Variants in CBFA2T3 observed in about 807,000 individuals in gnomAD.
CBFA2T3 encodes the protein CBFA2/RUNX1 partner transcriptional co-repressor 3, also known as transcriptional corepressor CBFA2T3.
A neutral mutation model predicts 58.6 loss-of-function variants in CBFA2T3; 31 were observed. The ratio of observed to expected loss-of-function variants is 0.53; its 90% CI spans 0.40 to 0.71. The LOEUF is 0.71. Among genes scored for constraint, CBFA2T3 ranks in the 30% least tolerant of loss-of-function variants. The pLI is 0.00. For synonymous variants in CBFA2T3, 531 were observed against 421.9 expected, an observed-to-expected ratio of 1.26 and a Z score of -3.17; for missense variants, 1,076 against 963.1, an observed-to-expected ratio of 1.12 and a Z score of -1.55.
intron 1 of CBFA2T3, among the ~76,000 whole-genome samples, chr16:88,970,547 G>A (rs770785659): frequency 5.3e-5 from 8 of 152,214 alleles, no homozygotes; most frequent in Non-Finnish European, 1.2e-4. Context: ...GGTCAGCGAT[G>A]CCCTTGAAGT....
chr16:88,899,907 T>G (rs1488241306), intron 2 of CBFA2T3, among the ~76,000 whole-genome samples: 1 of 151,886 alleles, frequency 6.6e-6, no homozygotes, highest in East Asian at 1.9e-4. Flanking sequence ...GGGCTCGGTG[T>G]GGTCGCAAGC....
At chr16:88,965,415 C>T (rs1018225221) in intron 1 of CBFA2T3, among the ~76,000 whole-genome samples, 2 of 152,340 alleles carry the variant, frequency 1.3e-5, no homozygotes, top group African/African-American at 4.8e-5. Context: ...TTAGAGGCTG[C>T]AAATTGGCCC....
At chr16:88,889,370 G>A (rs1319863460) in intron 5 of CBFA2T3, among the ~76,000 whole-genome samples, 2 of 134,720 alleles carry the variant, frequency 1.5e-5, no homozygotes, top group African/African-American at 5.7e-5. Flanking sequence ...GGGCAGCGGA[G>A]GGAGGGAGGG....
chr16:88,965,845 T>C (rs140240308), intron 1 of CBFA2T3, among the ~76,000 whole-genome samples: 3 of 152,226 alleles, frequency 2.0e-5, no homozygotes, highest in African/African-American at 7.2e-5. Flanking sequence ...AAAAAAGTTT[T>C]AGGGAGCTCG....
intron 1 of CBFA2T3, among the ~76,000 whole-genome samples, chr16:88,967,577 G>T (rs1042127129): frequency 1.3e-5 from 2 of 152,148 alleles, no homozygotes; most frequent in Non-Finnish European, 1.5e-5. Flanking sequence ...CCCCCAGGTG[G>T]GGTGGCCTTC....
At chr16:88,975,753 C>T (rs1234051775) in intron 1 of CBFA2T3, among the ~76,000 whole-genome samples, 1 of 152,262 alleles carries the variant, frequency 6.6e-6, no homozygotes, top group Non-Finnish European at 1.5e-5. Context: ...CGGGCAGCTG[C>T]AGGTGGGAAC....
chr16:88,909,166 CAG>C (rs1970438793), intron 1 of CBFA2T3, among the ~76,000 whole-genome samples: 1 of 152,234 alleles, frequency 6.6e-6, no homozygotes, highest in South Asian at 2.1e-4. Context: ...AGTCCAGCCT[CAG>C]AGGCCCAGCA....
chr16:88,975,170 T>TGCTC (rs1597806555), intron 1 of CBFA2T3, among the ~76,000 whole-genome samples: 9 of 137,692 alleles, frequency 6.5e-5, no homozygotes, highest in East Asian at 6.0e-4. Context: ...CCTGACCCTC[T>TGCTC]CTGCTCCACA....
rs913569144 is a variant in CBFA2T3 at position 88,958,679 on chromosome 16, C to T, written c.151+17978G>A. Among the ~76,000 whole-genome samples the T allele has an allele frequency of 1.3e-4, 20 of 152,058 alleles. No homozygotes were observed. The highest frequency in any genetic ancestry group is 4.8e-4 in the African/African-American group (20 of 41,398). Reference sequence around the variant, plus strand: ...CCTTTGGAGGGAGACAAACTCGCTCCCCCAGGGCCGGGGGCTGGGGGCCTC... The same window carrying T: ...CCTTTGGAGGGAGACAAACTCGCTCTCCCAGGGCCGGGGGCTGGGGGCCTC... On this transcript the variant is annotated intron_variant, in intron 1 of 11. Transcript: ENST00000268679. The surrounding 1 kb of genome is among the most constrained non-coding windows in gnomAD (Gnocchi z 4.0).
chr16:88,961,448 T>C (rs112929759), intron 1 of CBFA2T3, among the ~76,000 whole-genome samples: 17,687 of 143,782 alleles, frequency 0.12, 1,237 homozygotes, highest in Middle Eastern at 0.23. Flanking sequence ...ACATTCCCAC[T>C]GCATAGTAAC....
chr16:88,941,999 G>A (rs1321945381), intron 1 of CBFA2T3, among the ~76,000 whole-genome samples: 2 of 151,634 alleles, frequency 1.3e-5, no homozygotes, highest in African/African-American at 2.4e-5. Flanking sequence ...CAGGGGTCGC[G>A]CTCCCCCCGC....
intron 1 of CBFA2T3, among the ~76,000 whole-genome samples, chr16:88,936,496 C>A (rs1971505331): frequency 1.3e-5 from 2 of 152,052 alleles, no homozygotes; most frequent in African/African-American, 4.8e-5. Flanking sequence ...ACGACCCCAG[C>A]CTCAGGGGCA....
chr16:88,896,281 G>A (rs1282944444), intron 3 of CBFA2T3, among the ~76,000 whole-genome samples: 2 of 152,200 alleles, frequency 1.3e-5, no homozygotes, highest in Non-Finnish European at 2.9e-5. Context: ...TCCACACGCT[G>A]TTCTGAGCGG....
intron 1 of CBFA2T3, among the ~76,000 whole-genome samples, chr16:88,908,432 C>G (rs1009540255): frequency 2.0e-5 from 3 of 152,168 alleles, no homozygotes; most frequent in Non-Finnish European, 4.4e-5. Flanking sequence ...CTTTCCCAGA[C>G]GGCACATCCA....
chr16:88,898,009 G>A (rs984606659), intron 3 of CBFA2T3, 69 bp downstream of exon 3: 29 of 1,164,774 alleles, frequency 2.5e-5, no homozygotes, highest in Admixed American at 1.4e-4. Flanking sequence ...GGGCAGCAGT[G>A]TTGGGCCAGC....
intron 7 of CBFA2T3, 52 bp from the exon 8 acceptor site, chr16:88,882,813 C>G (rs976569856): frequency 3.2e-6 from 4 of 1,250,026 alleles, no homozygotes; most frequent in Non-Finnish European, 4.6e-6. Context: ...CAGTCTCTGC[C>G]CTATTCTCCC....
intron 1 of CBFA2T3, among the ~76,000 whole-genome samples, chr16:88,923,843 C>G (rs754327619): frequency 6.6e-6 from 1 of 152,208 alleles, no homozygotes. Context: ...CCCCGAGGAC[C>G]GTCCTCTCTC....
chr16:88,970,879 G>A (rs1972638570), intron 1 of CBFA2T3, among the ~76,000 whole-genome samples: 2 of 152,204 alleles, frequency 1.3e-5, no homozygotes, highest in African/African-American at 2.4e-5. Flanking sequence ...GGGGGCAGCT[G>A]GTTTTTCTCA....
Position 88,885,950 on chromosome 16 carries a change from C to A in CBFA2T3, c.893+11G>T. On this transcript the variant is annotated intron_variant, in intron 6 of 11. Coordinates refer to ENST00000268679, the MANE Select transcript of CBFA2T3 (RefSeq NM_005187.6). This position sits in a 1 kb window ranked among gnomAD's most constrained non-coding sequence, Gnocchi z 5.3. Reference sequence around the variant, plus strand: ...GCACCCCCAGCCCAGATCCCCGGAGCCCACAGGTACCTGTCGGGCGTCCTC... The same window carrying A: ...GCACCCCCAGCCCAGATCCCCGGAGACCACAGGTACCTGTCGGGCGTCCTC... 2 of 1,547,048 alleles carry A rather than the reference C, an allele frequency of 1.3e-6. No individual in the cohort carries two copies. The highest frequency in any genetic ancestry group is 1.7e-6 in the Non-Finnish European group (2 of 1,146,374).
Sources: allele counts gnomAD v4.1 joint callset (sites outside exome capture counted in the v4.1 genomes callset), GRCh38; gene constraint gnomAD v4.1.1; non-coding constraint Gnocchi (gnomAD v3.1); transcripts MANE v1.5; gene names NCBI Gene and HGNC (gene_info 2026-07-23, HGNC 2026-07-21).